DVL3: variants seen among roughly 807,000 people sequenced by gnomAD.
DVL3 encodes dishevelled segment polarity protein 3.
DVL3 carries 27 observed loss-of-function variants against 67.4 expected under a neutral mutation model. The observed-to-expected ratio is 0.40, with a 90% confidence interval of 0.30 to 0.55. DVL3 has a LOEUF of 0.55. Ranked by LOEUF, DVL3 falls within the 20% of genes least tolerant of loss-of-function variation. The pLI, the probability that DVL3 is intolerant of heterozygous loss-of-function variation, is 0.46. For synonymous variants in DVL3, 369 were observed against 396.8 expected, an observed-to-expected ratio of 0.93 and a Z score of 0.83; for missense variants, 819 against 1,021.5, an observed-to-expected ratio of 0.80 and a Z score of 2.70.
rs564782066 is a variant in DVL3 at position 184,170,716 on chromosome 3, C to T, written c.2112C>T (p.Ala704=). ...LTASRQSFRM[A]MGNPSEFFVD... The stretch of plus-strand genomic sequence containing the variant: ...CCAGCAGACAGTCCTTCCGCATGGC[C>T]ATGGGAAACCCCAGTGAGTTCTTTG... The change falls in exon 15 of 15, where the codon GCC becomes GCT. Residue 704 remains alanine, a synonymous_variant. Coordinates refer to ENST00000313143, the MANE Select transcript of DVL3 (RefSeq NM_004423.4). The surrounding 1 kb of genome is among the most constrained non-coding windows in gnomAD (Gnocchi z 6.5). 7 of 1,613,800 alleles carry T rather than the reference C, an allele frequency of 4.3e-6. No homozygotes were observed. In the African/African-American group the frequency reaches 5.3e-5, roughly 12 times the overall value.
rs1427853999 is a variant in DVL3, at chr3:184,155,410, C to T, written c.-226C>T. 2.0e-5 allele frequency: 3 copies of T among 153,050 alleles called. No individual in the cohort carries two copies. Among genetic ancestry groups the T allele is most frequent in the Non-Finnish European group, 2.9e-5 (2 of 70,152 alleles). The allele number at this position is 153,050 out of a possible 1,614,324, so 9.5% of individuals were successfully genotyped here. On this transcript the variant is annotated 5_prime_UTR_variant, in exon 1 of 15. Coordinates refer to ENST00000313143, the MANE Select transcript of DVL3 (RefSeq NM_004423.4). The surrounding 1 kb of genome is among the most constrained non-coding windows in gnomAD (Gnocchi z 5.4). ...AGGGCCGCGGCCACCGGAAGAGTCGCGGTCGCCAGTCCAGTCGGGAGAGTG... is the reference window on the plus strand; with the variant it reads ...AGGGCCGCGGCCACCGGAAGAGTCGTGGTCGCCAGTCCAGTCGGGAGAGTG...
Position 184,159,038 on chromosome 3 carries a change from A to G in DVL3, c.161+3242A>G, listed in dbSNP as rs1042216122. The stretch of plus-strand genomic sequence containing the variant: ...CAATCCACCCACCTCGGCCTCCCCA[A>G]GTGCTGGGATTACAGGTGATGAGCC... On this transcript the variant is annotated intron_variant, in intron 1 of 14. Transcript: ENST00000313143. Among the ~76,000 whole-genome samples the G allele has an allele frequency of 9.6e-5, 14 of 146,248 alleles. 4 individuals carry two copies. The highest frequency in any genetic ancestry group is 1.5e-4 in the Non-Finnish European group (10 of 66,494).
chr3:184,170,537 C>G lies in DVL3; in HGVS notation c.1933C>G (p.Arg645Gly). 1.2e-6 allele frequency: 2 copies of G among 1,611,560 alleles called. No homozygotes were observed. The highest frequency in any genetic ancestry group is 1.7e-6 in the Non-Finnish European group (2 of 1,178,816). The change falls in exon 15 of 15, where the codon CGC becomes GGC. Residue 645 changes from arginine to glycine, a missense_variant. Arg to Gly is a moderately radical substitution (Grantham distance 125). Around this residue, in one of 3 missense-constraint regions of DVL3, gnomAD observed 324 missense variants for 331.3 expected, o/e 0.98. Coordinates refer to ENST00000313143, the MANE Select transcript of DVL3 (RefSeq NM_004423.4). The surrounding 1 kb of genome is among the most constrained non-coding windows in gnomAD (Gnocchi z 6.5). The part of the protein sequence containing the change: ...RSHHSLASSL[R>G]SHHTHPSYGP... ...CCACCATTCCCTGGCCAGCAGCCTTCGCAGCCACCACACACACCCGAGCTA... is the reference window on the plus strand; with the variant it reads ...CCACCATTCCCTGGCCAGCAGCCTTGGCAGCCACCACACACACCCGAGCTA...
intron 1 of DVL3, chr3:184,156,709 G>A: frequency 3.2e-6 from 1 of 307,986 alleles, no homozygotes; most frequent in South Asian, 2.6e-5. Flanking sequence ...GGGAAGAGGG[G>A]GGCCTGGCTG....
rs773397133 is a variant in DVL3 at position 184,163,663 on chromosome 3, G to A, written c.168G>A (p.Val56=). The A allele has an allele frequency of 3.1e-6, 5 of 1,613,930 alleles. No homozygotes were observed. The highest frequency in any genetic ancestry group is 4.2e-6 in the Non-Finnish European group (5 of 1,179,988). ...CATCCCCCTTTCTCTGCAGAGTGGT[G>A]AAGGAGGAGATCTCGGATGACAATG... ...FKSMDDDFGV[V]KEEISDDNAK... Residue 56 remains valine, a synonymous_variant, in exon 2 of 15, where the codon GTG becomes GTA. Transcript: ENST00000313143. The surrounding 1 kb of genome is among the most constrained non-coding windows in gnomAD (Gnocchi z 4.5).
At chr3:184,169,505 G>A (rs113120932) in intron 13 of DVL3, among the ~76,000 whole-genome samples, 6 of 152,210 alleles carry the variant, frequency 3.9e-5, no homozygotes, top group African/African-American at 1.2e-4. Context: ...GACCAGCCTG[G>A]CTAACGTGGC....
At chr3:184,168,732 T>C (rs1714688684) in intron 13 of DVL3, among the ~76,000 whole-genome samples, 1 of 152,224 alleles carries the variant, frequency 6.6e-6, no homozygotes, top group Non-Finnish European at 1.5e-5. Context: ...AGGGCAGTTG[T>C]AGCTCTCTTG....
chr3:184,157,116 T>C (rs1296379676), intron 1 of DVL3: 1 of 152,660 alleles, frequency 6.6e-6, no homozygotes, highest in Non-Finnish European at 1.5e-5. Context: ...AGATTCTAAC[T>C]ATTCTTGTTT....
chr3:184,167,525 G>A lies in DVL3; in HGVS notation c.1199-55G>A. 7 of 1,558,954 alleles carry A rather than the reference G, an allele frequency of 4.5e-6. No homozygotes were observed. Among genetic ancestry groups the A allele is most frequent in the Non-Finnish European group, 6.1e-6 (7 of 1,140,302 alleles). On this transcript the variant is annotated intron_variant, in intron 11 of 14. Transcript: ENST00000313143. This position sits in a 1 kb window ranked among gnomAD's most constrained non-coding sequence, Gnocchi z 4.6. The stretch of plus-strand genomic sequence containing the variant: ...TGGTAGAGCTAGAATGCAAACTCTT[G>A]TTTACCTAACTCCAAAGCCCCTTTC...
chr3:184,167,789 C>T lies in DVL3; in HGVS notation c.1330+78C>T. On this transcript the variant is annotated intron_variant, in intron 12 of 14. Coordinates refer to ENST00000313143, the MANE Select transcript of DVL3 (RefSeq NM_004423.4). The surrounding 1 kb of genome is among the most constrained non-coding windows in gnomAD (Gnocchi z 4.6). ...GCAGGCCGGAGGGCCCAGGACTTGC[C>T]TTGGACCCTTCCTTTGATCTGGAGC... 1 of 1,593,738 alleles carries T rather than the reference C, an allele frequency of 6.3e-7. No homozygotes were observed. Among genetic ancestry groups the T allele is most frequent in the East Asian group, 2.2e-5 (1 of 44,660 alleles).
rs1233294432 is a variant in DVL3, at chr3:184,170,134, C to A, written c.1627C>A (p.Pro543Thr). ...GGCTTTCCCGTACCAGTACCCGCCA[C>A]CCCCGCACCCATACAACCCGCACCC... ...PMAFPYQYPP[P>T]PHPYNPHPGF... The change falls in exon 14 of 15, where the codon CCC becomes ACC. Residue 543 changes from proline (P) to threonine (T), a missense_variant. Pro to Thr is a conservative substitution (Grantham distance 38). Coordinates refer to ENST00000313143, the MANE Select transcript of DVL3 (RefSeq NM_004423.4). The surrounding 1 kb of genome is among the most constrained non-coding windows in gnomAD (Gnocchi z 6.5). 3.1e-6 allele frequency: 5 copies of A among 1,613,658 alleles called. No homozygotes were observed. Among genetic ancestry groups the A allele is most frequent in the Non-Finnish European group, 4.2e-6 (5 of 1,179,984 alleles).
chr3:184,165,607 C>CATCAGTTTATGT lies in DVL3; in HGVS notation c.763+121_763+122insTTTATGTATCAG. On this transcript the variant is annotated intron_variant, in intron 7 of 14. Transcript: ENST00000313143. The surrounding 1 kb of genome is among the most constrained non-coding windows in gnomAD (Gnocchi z 4.1). ...CCCTCAAGGAGCTCTCTTTCGTAAACATCAGCTGATACATAAACTGATCAT... is the reference window on the plus strand; with the variant it reads ...CCCTCAAGGAGCTCTCTTTCGTAAACATCAGTTTATGTATCAGCTGATACATAAACTGATCAT... 1 of 850,682 alleles carries CATCAGTTTATGT rather than the reference C, an allele frequency of 1.2e-6. No homozygotes were observed. The highest frequency in any genetic ancestry group is 1.9e-6 in the Non-Finnish European group (1 of 517,352). The allele number at this position is 850,682 out of a possible 1,614,324, so 52.7% of individuals were successfully genotyped here.
At position 184,169,928 on chromosome 3, in the gene DVL3, T is replaced by C. The variant is rs1306184486; in HGVS notation, c.1499-78T>C. 3.8e-6 allele frequency: 5 copies of C among 1,315,778 alleles called. No individual in the cohort carries two copies. The African/African-American group carries it at 7.4e-5, about 19-fold the overall frequency. 81.5% of individuals were successfully genotyped at this position (1,315,778 alleles called of 1,614,324 possible). A position where few individuals can be genotyped will look rare whatever the true frequency, so the allele number is the denominator to read the frequency against. The stretch of plus-strand genomic sequence containing the variant: ...TAGCCAGAAACTACCACGGTCTCTC[T>C]CATCCAGAGCCCACCTGACCTAGGC... On this transcript the variant is annotated intron_variant, in intron 13 of 14. Transcript: ENST00000313143.
Position 184,155,957 on chromosome 3 carries a change from T to A in DVL3, c.161+161T>A, listed in dbSNP as rs181107332. On this transcript the variant is annotated intron_variant, in intron 1 of 14. Transcript: ENST00000313143. This position sits in a 1 kb window ranked among gnomAD's most constrained non-coding sequence, Gnocchi z 5.4. ...TGGGCCCCTTTGGTTCCAGCCCCAGTAGCAACTCCCGTTTACCTCTGAAGA... is the reference window on the plus strand; with the variant it reads ...TGGGCCCCTTTGGTTCCAGCCCCAGAAGCAACTCCCGTTTACCTCTGAAGA... Among the ~76,000 whole-genome samples, 293 of 152,290 alleles carry A rather than the reference T, an allele frequency of 1.9e-3. No individual in the cohort carries two copies. Among genetic ancestry groups the A allele is most frequent in the Non-Finnish European group, 3.5e-3 (241 of 68,008 alleles).
Position 184,170,324 on chromosome 3 carries a change from C to T in DVL3, c.1720C>T (p.Arg574Trp). 2 of 1,600,116 alleles carry T rather than the reference C, an allele frequency of 1.2e-6. No individual in the cohort carries two copies. Among genetic ancestry groups the T allele is most frequent in the South Asian group, 1.1e-5 (1 of 89,476 alleles). Residue 574 changes from arginine to tryptophan, a missense_variant, in exon 15 of 15, where the codon CGG (arginine) becomes TGG (tryptophan). Coordinates refer to ENST00000313143, the MANE Select transcript of DVL3 (RefSeq NM_004423.4). This position sits in a 1 kb window ranked among gnomAD's most constrained non-coding sequence, Gnocchi z 6.5. ...SASSQHSEGS[R>W]SSGSNRSGSD... ...GCCCTGTTTGCCTCCTACAGGCAGTCGGAGCAGTGGCTCCAACCGTAGCGG... is the reference window on the plus strand; with the variant it reads ...GCCCTGTTTGCCTCCTACAGGCAGTTGGAGCAGTGGCTCCAACCGTAGCGG...
In DVL3 at chr3:184,170,559, G is replaced by A; in HGVS notation, c.1955G>A (p.Ser652Asn). The A allele has an allele frequency of 6.2e-7, 1 of 1,612,626 alleles. No individual in the cohort carries two copies. Among genetic ancestry groups the A allele is most frequent in the Non-Finnish European group, 8.5e-7 (1 of 1,179,242 alleles). The stretch of plus-strand genomic sequence containing the variant: ...CTTCGCAGCCACCACACACACCCGA[G>A]CTACGGTCCTCCCGGAGTGCCCCCT... Reference protein sequence around the residue: ...SSLRSHHTHPSYGPPGVPPLY... With the variant: ...SSLRSHHTHPNYGPPGVPPLY... The change falls in exon 15 of 15, where the codon AGC (serine) becomes AAC (asparagine). Residue 652 changes from serine (S) to asparagine (N), a missense_variant. Around this residue, in one of 3 missense-constraint regions of DVL3, gnomAD observed 324 missense variants for 331.3 expected, o/e 0.98. Coordinates refer to ENST00000313143, the MANE Select transcript of DVL3 (RefSeq NM_004423.4). This position sits in a 1 kb window ranked among gnomAD's most constrained non-coding sequence, Gnocchi z 6.5.
At position 184,170,475 on chromosome 3, in the gene DVL3, G is replaced by C. The variant is rs1174893759; in HGVS notation, c.1871G>C (p.Arg624Pro). ...RGPRERAPSE[R>P]SGPAASEHSH... ...CCGCGGGAGCGGGCGCCCAGCGAGC[G>C]CTCAGGGCCGGCGGCCAGCGAGCAC... is the stretch of plus-strand genomic sequence containing the variant. The change falls in exon 15 of 15, where the codon CGC (arginine) becomes CCC (proline). Residue 624 changes from arginine to proline, a missense_variant. Arg to Pro is a moderately radical substitution (Grantham distance 103). This residue lies in a region of DVL3 where 324 missense variants were observed against 331.3 expected (regional missense o/e 0.98). Transcript: ENST00000313143. This position sits in a 1 kb window ranked among gnomAD's most constrained non-coding sequence, Gnocchi z 6.5. 8 of 1,591,234 alleles carry C rather than the reference G, an allele frequency of 5.0e-6. No homozygotes were observed. Among genetic ancestry groups the C allele is most frequent in the Non-Finnish European group, 6.8e-6 (8 of 1,168,972 alleles).
chr3:184,164,430 C>G lies in DVL3; in HGVS notation c.353+42C>G. Reference sequence around the variant, plus strand: ...GGTGGGGAGGGCCGCATCAGTTCAGCCCAGGGCTGGGGGAGGGAGCCCCCA... The same window carrying G: ...GGTGGGGAGGGCCGCATCAGTTCAGGCCAGGGCTGGGGGAGGGAGCCCCCA... On this transcript the variant is annotated intron_variant, in intron 3 of 14. Transcript: ENST00000313143. The surrounding 1 kb of genome is among the most constrained non-coding windows in gnomAD (Gnocchi z 5.3). 6.2e-7 allele frequency: 1 copy of G among 1,605,648 alleles called. No individual in the cohort carries two copies. Among genetic ancestry groups the G allele is most frequent in the South Asian group, 1.1e-5 (1 of 90,246 alleles).
In DVL3 at chr3:184,171,375, C is replaced by A; in HGVS notation, c.*620C>A. 1.0e-6 allele frequency: 1 copy of A among 1,001,002 alleles called. No individual in the cohort carries two copies. The highest frequency in any genetic ancestry group is 1.2e-6 in the Non-Finnish European group (1 of 840,498). 62.0% of individuals were successfully genotyped at this position (1,001,002 alleles called of 1,614,324 possible). On this transcript the variant is annotated 3_prime_UTR_variant, in exon 15 of 15. Transcript: ENST00000313143. ...GTGCCTAGATCAGAGGCCCAGAGGGCCCCCTCAGTTGCCTGAGCAGCTGGT... is the reference window on the plus strand; with the variant it reads ...GTGCCTAGATCAGAGGCCCAGAGGGACCCCTCAGTTGCCTGAGCAGCTGGT...
Sources: allele counts gnomAD v4.1 joint callset (sites outside exome capture counted in the v4.1 genomes callset), GRCh38; gene constraint gnomAD v4.1.1; regional missense constraint gnomAD v4.1.1; non-coding constraint Gnocchi (gnomAD v3.1); transcripts MANE v1.5; gene names NCBI Gene and HGNC (gene_info 2026-07-23, HGNC 2026-07-21).